Variants in CCSER2 observed in about 807,000 individuals in gnomAD.
The protein encoded by CCSER2 is serine-rich coiled-coil domain-containing protein 2.
Under a neutral mutation model 92.3 loss-of-function variants are expected in CCSER2, and 46 were observed. The observed-to-expected ratio is 0.50, with a 90% CI of 0.39 to 0.64. The LOEUF is 0.64. Ranked by LOEUF, CCSER2 falls within the 30% of genes least tolerant of loss-of-function variation. The pLI, the probability that CCSER2 is intolerant of heterozygous loss-of-function variation, is 0.00. For missense variants in CCSER2, 1,244 were observed against 1,238.9 expected, an observed-to-expected ratio of 1.00 and a Z score of -0.06; for synonymous variants, 433 against 431.4, an observed-to-expected ratio of 1.00 and a Z score of -0.04.
intron 3 of CCSER2, chr10:84,374,079 C>T: frequency 1.3e-6 from 1 of 761,716 alleles, no homozygotes; most frequent in Non-Finnish European, 1.9e-6. Context: ...GTAGTTTAAT[C>T]TATGCCAGTG....
chr10:84,386,313 A>G (rs1420647191), intron 3 of CCSER2, among the ~76,000 whole-genome samples: 1 of 152,254 alleles, frequency 6.6e-6, no homozygotes, highest in East Asian at 1.9e-4. Context: ...ATAAATATAA[A>G]TTATCAAAAT....
Position 84,345,453 on chromosome 10 carries a change from T to C in CCSER2, c.-40+16645T>C, listed in dbSNP as rs564339707. Among the ~76,000 whole-genome samples, 53 of 152,336 alleles carry C rather than the reference T, an allele frequency of 3.5e-4. No homozygotes were observed. The South Asian group carries it at 0.011, about 31-fold the overall frequency. ...AATGTTACCATCTAATCATTTTGGATAAAGATACATGTCTATTTACACAGT... is the reference window on the plus strand; with the variant it reads ...AATGTTACCATCTAATCATTTTGGACAAAGATACATGTCTATTTACACAGT... On this transcript the variant is annotated intron_variant, in intron 1 of 9. Transcript: ENST00000372088.
intron 6 of CCSER2, 63 bp from the exon 7 acceptor site, chr10:84,463,870 G>A (rs1846241383): frequency 8.8e-7 from 1 of 1,139,474 alleles, no homozygotes; most frequent in Non-Finnish European, 1.3e-6. Flanking sequence ...GTAAATTCAG[G>A]TTGAACTGAA....
At chr10:84,491,539 C>T (rs1388457354) in intron 9 of CCSER2, among the ~76,000 whole-genome samples, 1 of 152,164 alleles carries the variant, frequency 6.6e-6, no homozygotes, top group Non-Finnish European at 1.5e-5. Flanking sequence ...CCCTCCGAGC[C>T]AGGCACAGGA....
chr10:84,452,339 G>A (rs973899229), intron 6 of CCSER2: 2 of 152,190 alleles, frequency 1.3e-5, no homozygotes, highest in African/African-American at 4.8e-5. Flanking sequence ...TTTTCAGCAA[G>A]TTAACATGTG....
chr10:84,415,095 C>CTTTAGCTCA (rs1488025601), intron 3 of CCSER2, among the ~76,000 whole-genome samples: 3 of 152,122 alleles, frequency 2.0e-5, no homozygotes, highest in South Asian at 2.1e-4. Context: ...TAACATGCTC[C>CTTTAGCTCA]TTTAGCTCAG....
At chr10:84,398,965 C>T (rs1841979551) in intron 3 of CCSER2, among the ~76,000 whole-genome samples, 1 of 152,160 alleles carries the variant, frequency 6.6e-6, no homozygotes, top group East Asian at 1.9e-4. Context: ...TCACTCTTAC[C>T]ACATCTGGCC....
intron 6 of CCSER2, among the ~76,000 whole-genome samples, chr10:84,461,672 T>A (rs78748108): frequency 6.6e-6 from 1 of 151,930 alleles, no homozygotes; most frequent in African/African-American, 2.4e-5. Flanking sequence ...TTTTTTTTTT[T>A]TCCCCCTGAG....
intron 3 of CCSER2, among the ~76,000 whole-genome samples, chr10:84,403,966 T>G (rs1351589011): frequency 6.6e-6 from 1 of 152,172 alleles, no homozygotes; most frequent in African/African-American, 2.4e-5. Context: ...AATTCAAAAG[T>G]TACAGATTTA....
intron 1 of CCSER2, among the ~76,000 whole-genome samples, chr10:84,329,947 T>C (rs951274284): frequency 6.6e-6 from 1 of 152,248 alleles, no homozygotes; most frequent in African/African-American, 2.4e-5. Flanking sequence ...ATGCACACTT[T>C]GTTGAACCCT....
chr10:84,437,157 A>G (rs914852448), intron 5 of CCSER2, among the ~76,000 whole-genome samples: 29 of 125,966 alleles, frequency 2.3e-4, no homozygotes, highest in African/African-American at 6.6e-4. Context: ...ACACAGAGAG[A>G]GAGAGAGAGA....
intron 3 of CCSER2, among the ~76,000 whole-genome samples, chr10:84,390,675 G>A (rs1284922710): frequency 6.6e-6 from 1 of 152,128 alleles, no homozygotes; most frequent in African/African-American, 2.4e-5. Flanking sequence ...TATGGTGCAC[G>A]ACTGTTCTTA....
Position 84,463,972 on chromosome 10 carries a change from T to C in CCSER2, c.2104T>C (p.Leu702=), listed in dbSNP as rs772188191. The C allele has an allele frequency of 6.2e-7, 1 of 1,612,158 alleles. No individual in the cohort carries two copies. The highest frequency in any genetic ancestry group is 1.1e-5 in the South Asian group (1 of 90,962). Residue 702 remains leucine (L), a synonymous_variant, in exon 7 of 10, where the codon TTG becomes CTG. Transcript: ENST00000372088. The stretch of plus-strand genomic sequence containing the variant: ...TTCATTGCATGATATTCAACTGTCA[T>C]TGCCATCCAGTCCAGAACCAGAAGA... The part of the protein sequence containing the change: ...SGSLHDIQLS[L]PSSPEPEDGD...
At chr10:84,457,499 T>A (rs1845809086) in intron 6 of CCSER2, among the ~76,000 whole-genome samples, 1 of 115,736 alleles carries the variant, frequency 8.6e-6, no homozygotes, top group South Asian at 2.3e-4. Flanking sequence ...GAAGAAAGTA[T>A]CTGCAATCAT....
rs554995470 is a variant in CCSER2, at chr10:84,471,622, T to C, written c.2235+1164T>C. ...ACATTTCAGATATTTGAGAGGTAAATTGAAAAATAACTCAAGAATAAGGAG... is the reference window on the plus strand; with the variant it reads ...ACATTTCAGATATTTGAGAGGTAAACTGAAAAATAACTCAAGAATAAGGAG... On this transcript the variant is annotated intron_variant, in intron 8 of 9. Coordinates refer to ENST00000372088, the MANE Select transcript of CCSER2 (RefSeq NM_001284240.2). Among the ~76,000 whole-genome samples the C allele has an allele frequency of 3.3e-5, 5 of 152,122 alleles. No homozygotes were observed. In the South Asian group the frequency reaches 6.2e-4, roughly 19 times the overall value.
chr10:84,352,423 C>G (rs1164244099), intron 1 of CCSER2, among the ~76,000 whole-genome samples: 1 of 151,810 alleles, frequency 6.6e-6, no homozygotes, highest in African/African-American at 2.4e-5. Flanking sequence ...GTTCATGGCA[C>G]TGGCCATTAG....
At chr10:84,420,206 G>A (rs1183575329) in intron 4 of CCSER2, among the ~76,000 whole-genome samples, 2 of 152,190 alleles carry the variant, frequency 1.3e-5, no homozygotes, top group African/African-American at 2.4e-5. Context: ...TTAGATAAAA[G>A]TAGAATCACA....
At chr10:84,391,982 GA>G in intron 3 of CCSER2, 1 of 1,339,804 alleles carries the variant, frequency 7.5e-7, no homozygotes, top group Non-Finnish European at 1.1e-6. Flanking sequence ...ATAAAAATTG[GA>G]GGCATTTCTC....
chr10:84,508,945 A>C (rs1327582272), intron 9 of CCSER2, among the ~76,000 whole-genome samples: 1 of 152,148 alleles, frequency 6.6e-6, no homozygotes, highest in Non-Finnish European at 1.5e-5. Context: ...AATTATTAGA[A>C]TTTTCTAGTA....
Sources: allele counts gnomAD v4.1 joint callset (sites outside exome capture counted in the v4.1 genomes callset), GRCh38; gene constraint gnomAD v4.1.1; transcripts MANE v1.5; gene names NCBI Gene and HGNC (gene_info 2026-07-23, HGNC 2026-07-21).